Variants in SHROOM3 observed in about 807,000 individuals in gnomAD.
The protein encoded by SHROOM3 is protein Shroom3.
In SHROOM3, 47 loss-of-function variants were observed where a neutral mutation model predicts 138.6. That is an observed-to-expected ratio of 0.34 (90% CI 0.27 to 0.43). The LOEUF (loss-of-function observed/expected upper bound fraction) is 0.43, where lower values mean the gene tolerates loss of function less well. SHROOM3 is among the 20% of genes least tolerant of loss of function. The pLI is 1.00. For synonymous variants in SHROOM3, 1,062 were observed against 1,063.3 expected (o/e 1.00, Z 0.02); for missense variants, 2,491 against 2,596.5 (o/e 0.96, Z 0.88).
intron 1 of SHROOM3, among the ~76,000 whole-genome samples, chr4:76,531,454 C>G (rs1732826776): frequency 6.6e-6 from 1 of 152,128 alleles, no homozygotes; most frequent in African/African-American, 2.4e-5. Flanking sequence ...CAAACCAGAG[C>G]TTTCCATCTA....
chr4:76,580,328 T>C (rs1411273308), intron 2 of SHROOM3, among the ~76,000 whole-genome samples: 2 of 152,198 alleles, frequency 1.3e-5, no homozygotes, highest in Non-Finnish European at 2.9e-5. Context: ...CTATGTCCCA[T>C]TCCGAAGTTG....
At chr4:76,662,465 ACT>A (rs1481126357) in intron 2 of SHROOM3, among the ~76,000 whole-genome samples, 3 of 151,890 alleles carry the variant, frequency 2.0e-5, no homozygotes, top group African/African-American at 7.3e-5. Flanking sequence ...GAGAATAAAA[ACT>A]CTGCTTTTTA....
intron 1 of SHROOM3, among the ~76,000 whole-genome samples, chr4:76,503,718 G>A (rs1732148051): frequency 6.6e-6 from 1 of 152,016 alleles, no homozygotes; most frequent in African/African-American, 2.4e-5. Context: ...TGTGAGCCAC[G>A]GTGATTGGCC....
chr4:76,779,134 G>C lies in SHROOM3; in HGVS notation c.5948G>C (p.Cys1983Ser). Residue 1983 changes from cysteine to serine, a missense_variant, in exon 11 of 11, where the codon TGT becomes TCT. Coordinates refer to ENST00000296043, the MANE Select transcript of SHROOM3 (RefSeq NM_020859.4). ...AGTGAGCCCATTCCTGCTGGGGGCT[G>C]TACTTTCAGTGGTATTTTCCCAACA... ...LTSEPIPAGGCTFSGIFPTLT... is the reference protein window; with the variant it reads ...LTSEPIPAGGSTFSGIFPTLT... The C allele has an allele frequency of 6.2e-7, 1 of 1,613,832 alleles. No homozygotes were observed. The highest frequency in any genetic ancestry group is 2.2e-5 in the East Asian group (1 of 44,870).
intron 2 of SHROOM3, among the ~76,000 whole-genome samples, chr4:76,687,649 G>T (rs906074523): frequency 1.3e-5 from 2 of 152,204 alleles, no homozygotes; most frequent in Non-Finnish European, 2.9e-5. Flanking sequence ...AAAAATATCG[G>T]ATGATGCCTC....
At chr4:76,531,872 T>C (rs1375738044) in intron 1 of SHROOM3, among the ~76,000 whole-genome samples, 5 of 151,608 alleles carry the variant, frequency 3.3e-5, no homozygotes, top group Non-Finnish European at 5.9e-5. Context: ...ATGATGGCCA[T>C]TGGAACAAAT....
rs960013608 is a variant in SHROOM3, at chr4:76,504,377, G to A, written c.169-51232G>A. ...TTTTACCACATTAGTCAGGCTGGTC[G>A]TGAACACCTGACCTCAGGTGATCCA... On this transcript the variant is annotated intron_variant, in intron 1 of 10. Transcript: ENST00000296043. Among the ~76,000 whole-genome samples, 37 of 152,060 alleles carry A rather than the reference G, an allele frequency of 2.4e-4. No homozygotes were observed. The East Asian group carries it at 2.7e-3, about 11-fold the overall frequency.
At chr4:76,575,874 A>C (rs189348162) in intron 2 of SHROOM3, among the ~76,000 whole-genome samples, 145 of 152,328 alleles carry the variant, frequency 9.5e-4, no homozygotes, top group African/African-American at 3.2e-3. Context: ...TATAAATGGC[A>C]AACAGATATA....
At chr4:76,643,211 C>CAAAAAAAAAAAA (rs34800196) in intron 2 of SHROOM3, among the ~76,000 whole-genome samples, 1 of 125,168 alleles carries the variant, frequency 8.0e-6, no homozygotes. Context: ...GATGCTGTCT[C>CAAAAAAAAAAAA]AAAAAAAAAA....
chr4:76,546,527 T>A (rs536608858), intron 1 of SHROOM3, among the ~76,000 whole-genome samples: 2 of 152,244 alleles, frequency 1.3e-5, no homozygotes, highest in Admixed American at 6.5e-5. Flanking sequence ...TATTTGACTT[T>A]ATTTCATTGG....
intron 2 of SHROOM3, among the ~76,000 whole-genome samples, chr4:76,704,194 C>T (rs1307225368): frequency 6.6e-6 from 1 of 152,174 alleles, no homozygotes; most frequent in East Asian, 1.9e-4. Context: ...ACAATTATTT[C>T]CTTTACAGGT....
rs561826700 is a variant in SHROOM3 at position 76,740,276 on chromosome 4, A to G, written c.2103A>G (p.Ala701=). 59 of 1,613,212 alleles carry G rather than the reference A, an allele frequency of 3.7e-5. No individual in the cohort carries two copies. In the Middle Eastern group the frequency reaches 2.6e-3, roughly 72 times the overall value. Residue 701 remains alanine (A), a synonymous_variant, in exon 5 of 11, where the codon GCA becomes GCG. Coordinates refer to ENST00000296043, the MANE Select transcript of SHROOM3 (RefSeq NM_020859.4). This position sits in a 1 kb window ranked among gnomAD's most constrained non-coding sequence, Gnocchi z 4.0. The stretch of plus-strand genomic sequence containing the variant: ...CCACCTGTGCAGTCAACACCAAGGC[A>G]GAAGACCCTGGGAGGAAAGCCGCTC... ...GRPTCAVNTK[A]EDPGRKAAPD...
intron 2 of SHROOM3, among the ~76,000 whole-genome samples, chr4:76,615,671 G>A (rs951708916): frequency 1.3e-5 from 2 of 151,936 alleles, no homozygotes; most frequent in African/African-American, 2.4e-5. Flanking sequence ...TCTAGGAGAG[G>A]TGCTCATGGC....
intron 1 of SHROOM3, among the ~76,000 whole-genome samples, chr4:76,526,361 A>G (rs1732689339): frequency 6.6e-6 from 1 of 152,176 alleles, no homozygotes; most frequent in African/African-American, 2.4e-5. Context: ...ATGAGACTCC[A>G]TCTCAAAAGA....
At chr4:76,532,077 G>T (rs1732841216) in intron 1 of SHROOM3, 1 of 117,786 alleles carries the variant, frequency 8.5e-6, no homozygotes, top group Non-Finnish European at 1.6e-5. Flanking sequence ...CCCATGACAG[G>T]CCCTGGTGTC....
chr4:76,578,194 T>G (rs1733977045), intron 2 of SHROOM3, among the ~76,000 whole-genome samples: 4 of 152,192 alleles, frequency 2.6e-5, no homozygotes, highest in Admixed American at 2.6e-4. Flanking sequence ...AACTTTGGAG[T>G]AGCCCTGACT....
chr4:76,640,995 A>G (rs780051732), intron 2 of SHROOM3, among the ~76,000 whole-genome samples: 2 of 152,214 alleles, frequency 1.3e-5, no homozygotes, highest in Non-Finnish European at 2.9e-5. Flanking sequence ...TGGGGGATCG[A>G]AGTCCAGGAA....
intron 3 of SHROOM3, among the ~76,000 whole-genome samples, chr4:76,715,352 A>G (rs974771431): frequency 2.0e-5 from 3 of 152,210 alleles, no homozygotes; most frequent in African/African-American, 7.2e-5. Flanking sequence ...TCCAGGGCTT[A>G]ATATTCTCAC....
chr4:76,661,808 T>C (rs1411840022), intron 2 of SHROOM3, among the ~76,000 whole-genome samples: 2 of 152,204 alleles, frequency 1.3e-5, no homozygotes, highest in Non-Finnish European at 1.5e-5. Context: ...TGTGTCTAGT[T>C]TGGGGCTATT....
Sources: allele counts gnomAD v4.1 joint callset (sites outside exome capture counted in the v4.1 genomes callset), GRCh38; gene constraint gnomAD v4.1.1; non-coding constraint Gnocchi (gnomAD v3.1); transcripts MANE v1.5; gene names NCBI Gene and HGNC (gene_info 2026-07-23, HGNC 2026-07-21).